COL18A1: variants seen among roughly 807,000 people sequenced by gnomAD.
The protein encoded by COL18A1 is collagen type XVIII alpha 1 chain, also known as collagen alpha-1(XVIII) chain.
In COL18A1, 133 loss-of-function variants were observed where a neutral mutation model predicts 168.0. That is an observed-to-expected ratio of 0.79 (90% CI 0.69 to 0.91). The LOEUF (loss-of-function observed/expected upper bound fraction) is 0.91, where lower values mean the gene tolerates loss of function less well. Among genes scored for constraint, COL18A1 ranks in the 40% least tolerant of loss-of-function variants. The pLI, the probability that COL18A1 is intolerant of heterozygous loss-of-function variation, is 0.00. For missense variants in COL18A1, 2,126 were observed against 1,925.4 expected (o/e 1.10, Z -1.95); for synonymous variants, 949 against 809.0 (o/e 1.17, Z -2.94).
At chr21:45,504,284 T>C in intron 33 of COL18A1, 132 bp from the exon 34 acceptor site, 1 of 978,454 alleles carries the variant, frequency 1.0e-6, no homozygotes, top group Middle Eastern at 3.0e-4. Flanking sequence ...AGCCCTATTC[T>C]ATGCAGCCAG....
At chr21:45,444,138 T>C (rs2034454611) in intron 2 of COL18A1, among the ~76,000 whole-genome samples, 1 of 152,224 alleles carries the variant, frequency 6.6e-6, no homozygotes, top group Non-Finnish European at 1.5e-5. Context: ...CGTGGCGTCC[T>C]CTACCCTTTC....
chr21:45,492,750 C>CCCTCCCGGA, intron 24 of COL18A1, 37 bp downstream of exon 24: 1 of 1,529,140 alleles, frequency 6.5e-7, no homozygotes, highest in Non-Finnish European at 9.0e-7. Context: ...TGCTGCCCGG[C>CCCTCCCGGA]TGGGGAGGGG....
chr21:45,482,898 C>T (rs755988024), intron 15 of COL18A1, 77 bp downstream of exon 15: 17 of 1,607,136 alleles, frequency 1.1e-5, no homozygotes, highest in Middle Eastern at 1.8e-4. Flanking sequence ...AAGAGGGTGG[C>T]AGCCCCACGG....
intron 2 of COL18A1, among the ~76,000 whole-genome samples, chr21:45,422,927 A>G (rs2033672044): frequency 1.3e-5 from 2 of 152,052 alleles, no homozygotes; most frequent in Admixed American, 1.3e-4. Context: ...AGCTGGGATT[A>G]CAGGCATGCA....
intron 2 of COL18A1, among the ~76,000 whole-genome samples, chr21:45,461,490 G>A (rs2035045692): frequency 6.6e-6 from 1 of 152,140 alleles, no homozygotes; most frequent in African/African-American, 2.4e-5. Flanking sequence ...TGCACCATTA[G>A]GGTGGACACC....
chr21:45,494,506 A>G, intron 26 of COL18A1, 39 bp from the exon 27 acceptor site: 2 of 1,613,146 alleles, frequency 1.2e-6, no homozygotes, highest in Non-Finnish European at 1.7e-6. Flanking sequence ...GTGGGGCACA[A>G]GCTGCCACCT....
chr21:45,484,532 TAGCC>T (rs764879491), intron 15 of COL18A1, among the ~76,000 whole-genome samples: 16 of 152,088 alleles, frequency 1.1e-4, no homozygotes, highest in African/African-American at 2.7e-4. Context: ...CACATACACA[TAGCC>T]AGCACATGTG....
At chr21:45,472,996 C>A (rs1316221722) in intron 3 of COL18A1, among the ~76,000 whole-genome samples, 1 of 152,232 alleles carries the variant, frequency 6.6e-6, no homozygotes, top group Admixed American at 6.5e-5. Context: ...GCCCCAGGCT[C>A]CAGCTGGCCT....
At position 45,492,561 on chromosome 21, in the gene COL18A1, T is replaced by G. The variant is rs756000927; in HGVS notation, c.2184T>G (p.Pro728=). The G allele has an allele frequency of 6.2e-7, 1 of 1,613,196 alleles. No homozygotes were observed. The highest frequency in any genetic ancestry group is 1.1e-5 in the South Asian group (1 of 91,090). Residue 728 remains proline (P), a synonymous_variant, in exon 23 of 42, where the codon CCT becomes CCG. Coordinates refer to ENST00000651438, the MANE Select transcript of COL18A1 (RefSeq NM_001379500.1). ...QDGSVLSVPG[P]EGRPGFAGFP... Reference sequence around the variant, plus strand: ...GATCCGTCCTGAGCGTGCCGGGACCTGAGGTATGTGCCTGCCCAGCTTCTA... The same window carrying G: ...GATCCGTCCTGAGCGTGCCGGGACCGGAGGTATGTGCCTGCCCAGCTTCTA...
intron 15 of COL18A1, among the ~76,000 whole-genome samples, chr21:45,484,682 G>A (rs1602514656): frequency 6.7e-6 from 1 of 150,252 alleles, no homozygotes; most frequent in Admixed American, 6.6e-5. Flanking sequence ...ATGTATCTAG[G>A]TATGTGCCCA....
intron 2 of COL18A1, among the ~76,000 whole-genome samples, chr21:45,430,679 T>G (rs1469545035): frequency 2.0e-5 from 3 of 152,164 alleles, no homozygotes; most frequent in Non-Finnish European, 4.4e-5. Flanking sequence ...GCCCGGGGTC[T>G]CGTGGCTGGT....
chr21:45,481,417 C>G (rs1568910096), intron 13 of COL18A1, among the ~76,000 whole-genome samples: 1 of 152,224 alleles, frequency 6.6e-6, no homozygotes, highest in Non-Finnish European at 1.5e-5. Context: ...TCATGCTGCA[C>G]TGGCATCCCG....
At chr21:45,433,636 C>T (rs895777389) in intron 2 of COL18A1, among the ~76,000 whole-genome samples, 4 of 152,178 alleles carry the variant, frequency 2.6e-5, no homozygotes, top group South Asian at 4.2e-4. Flanking sequence ...TGAAGTCACC[C>T]CTGGGGGAGA....
chr21:45,409,665 C>T (rs1047138051), intron 2 of COL18A1, among the ~76,000 whole-genome samples: 1 of 152,232 alleles, frequency 6.6e-6, no homozygotes, highest in Non-Finnish European at 1.5e-5. Flanking sequence ...CAAGTGAAGC[C>T]CTGCCATCTG....
rs2037307775 is a variant in COL18A1, at chr21:45,507,721, G to C, written c.3249+128G>C. ...GAGCTGAACATGTGGCTCACCATCA[G>C]CCCCTGCTGCAGAAACTGGTGCAGG... On this transcript the variant is annotated intron_variant, in intron 38 of 41. Transcript: ENST00000651438. 2.8e-5 allele frequency: 25 copies of C among 882,416 alleles called. No homozygotes were observed. In the South Asian group the frequency reaches 3.4e-4, roughly 12 times the overall value. The allele number at this position is 882,416 out of a possible 1,614,324, so 54.7% of individuals were successfully genotyped here. A position where few individuals can be genotyped will look rare whatever the true frequency, so the allele number is the denominator to read the frequency against.
chr21:45,437,104 CACACACACTCACACACAGACACACAG>C (rs1569287092), intron 2 of COL18A1, among the ~76,000 whole-genome samples: 1 of 61,468 alleles, frequency 1.6e-5, no homozygotes, highest in African/African-American at 9.4e-5. Flanking sequence ...CACTCTCCTG[CACACACACTCACACACAGACACACAG>C]GCACTCTCCA....
chr21:45,450,559 A>G lies in COL18A1; in HGVS notation c.107-17683A>G, dbSNP rs7279844. ...CGTGTGGATGTTTGTACCTTTTTAA[A>G]AAAAGAAAATAAAAGACCACACTAT... On this transcript the variant is annotated intron_variant, in intron 2 of 41. Transcript: ENST00000651438. Among the ~76,000 whole-genome samples the G allele has an allele frequency of 2.1e-3, 317 of 152,334 alleles. 1 individual carries two copies. The highest frequency in any genetic ancestry group is 7.3e-3 in the African/African-American group (305 of 41,576).
chr21:45,483,272 A>G (rs1180305900), intron 15 of COL18A1, among the ~76,000 whole-genome samples: 1 of 152,058 alleles, frequency 6.6e-6, no homozygotes, highest in Non-Finnish European at 1.5e-5. Context: ...CCCGTCCCGC[A>G]GGCTCATGAG....
At chr21:45,493,246 C>A in intron 25 of COL18A1, 21 bp downstream of exon 25, 2 of 1,551,674 alleles carry the variant, frequency 1.3e-6, no homozygotes, top group South Asian at 1.2e-5. Flanking sequence ...CAGGTGCTGT[C>A]CCTCAACCCC....
Sources: allele counts gnomAD v4.1 joint callset (sites outside exome capture counted in the v4.1 genomes callset), GRCh38; gene constraint gnomAD v4.1.1; transcripts MANE v1.5; gene names NCBI Gene and HGNC (gene_info 2026-07-23, HGNC 2026-07-21).